Variants in WDFY4 observed in about 807,000 individuals in gnomAD.
WDFY4 encodes WDFY family member 4.
WDFY4 carries 169 observed loss-of-function variants against 351.9 expected under a neutral mutation model. The observed-to-expected ratio is 0.48, with a 90% confidence interval of 0.42 to 0.55. WDFY4 has a LOEUF of 0.55. WDFY4 is among the 20% of genes least tolerant of loss of function. The pLI is 0.00. For synonymous variants in WDFY4, 1,622 were observed against 1,574.6 expected, an observed-to-expected ratio of 1.03 and a Z score of -0.71; for missense variants, 3,803 against 3,935.6, an observed-to-expected ratio of 0.97 and a Z score of 0.90.
intron 35 of WDFY4, among the ~76,000 whole-genome samples, chr10:48,824,607 G>A (rs2067934629): frequency 1.3e-5 from 2 of 152,116 alleles, no homozygotes; most frequent in South Asian, 4.1e-4. Flanking sequence ...GAAAGTAGAG[G>A]AAATGAGTCC....
intron 12 of WDFY4, among the ~76,000 whole-genome samples, chr10:48,752,747 T>G (rs2132474550): frequency 6.6e-6 from 1 of 152,374 alleles, no homozygotes; most frequent in South Asian, 2.1e-4. Flanking sequence ...TTCCATCATA[T>G]GGGTACACAC....
intron 35 of WDFY4, among the ~76,000 whole-genome samples, chr10:48,825,051 G>T (rs2067949033): frequency 6.6e-6 from 1 of 152,076 alleles, no homozygotes; most frequent in Admixed American, 6.6e-5. Flanking sequence ...ACCTATCAAT[G>T]CATCACCTAG....
chr10:48,913,338 C>T (rs2133495077), intron 47 of WDFY4: 1 of 1,547,772 alleles, frequency 6.5e-7, no homozygotes, highest in African/African-American at 1.4e-5. Context: ...AGCCCACTGC[C>T]CTCTTCCCTC....
At chr10:48,946,338 C>T (rs976372158) in intron 50 of WDFY4, among the ~76,000 whole-genome samples, 181 bp downstream of exon 50, 1 of 152,218 alleles carries the variant, frequency 6.6e-6, no homozygotes, top group African/African-American at 2.4e-5. Context: ...CCAGGCCTCA[C>T]CTCTAGAAAT....
chr10:48,922,061 T>C (rs946524617), intron 47 of WDFY4, among the ~76,000 whole-genome samples: 1 of 152,160 alleles, frequency 6.6e-6, no homozygotes, highest in Non-Finnish European at 1.5e-5. Context: ...AACAGAAAAA[T>C]AATAAATGTC....
chr10:48,879,740 C>T (rs1033214777), intron 43 of WDFY4, among the ~76,000 whole-genome samples: 4 of 152,170 alleles, frequency 2.6e-5, no homozygotes, highest in African/African-American at 9.7e-5. Flanking sequence ...GTCTGAGCTC[C>T]TGTTCCCTGC....
At chr10:48,961,875 G>A (rs964367209) in intron 53 of WDFY4, among the ~76,000 whole-genome samples, 3 of 152,116 alleles carry the variant, frequency 2.0e-5, no homozygotes, top group African/African-American at 7.2e-5. Context: ...TCTGGAGGTG[G>A]CGATAAGGAC....
rs997608292 is a variant in WDFY4, at chr10:48,789,982, T to C, written c.4063T>C (p.Leu1355=). The C allele has an allele frequency of 1.0e-5, 16 of 1,552,222 alleles. No homozygotes were observed. The highest frequency in any genetic ancestry group is 1.3e-5 in the Non-Finnish European group (15 of 1,147,066). ...CATTGGAGCTGTTGCTGTGGGTCAA[T>C]TAGGTATGTTCAACTGGGAAGCTTT... ...RTIGAVAVGQ[L]GVRVFHSSPA... Residue 1355 remains leucine (L), a synonymous_variant, in exon 22 of 62, where the codon TTA becomes CTA. Transcript: ENST00000325239.
intron 39 of WDFY4, among the ~76,000 whole-genome samples, chr10:48,842,520 G>T (rs889025768): frequency 2.0e-5 from 3 of 152,106 alleles, no homozygotes; most frequent in Non-Finnish European, 2.9e-5. Flanking sequence ...TGTCCAGAGG[G>T]GCTTTCTCCT....
intron 40 of WDFY4, among the ~76,000 whole-genome samples, chr10:48,870,008 C>T (rs7901372): frequency 6.6e-5 from 10 of 152,228 alleles, no homozygotes; most frequent in Admixed American, 2.0e-4. Context: ...GATCAAGTTC[C>T]GTGCTCTGCT....
At chr10:48,976,737 A>T in intron 58 of WDFY4, 60 bp from the exon 59 acceptor site, 2 of 1,292,942 alleles carry the variant, frequency 1.5e-6, no homozygotes. Context: ...GTAGCTGAGC[A>T]AGTGGCTGAT....
At chr10:48,688,450 T>TTTAGGTCTTCTCTAA (rs764041695) in intron 1 of WDFY4, among the ~76,000 whole-genome samples, 45 of 152,268 alleles carry the variant, frequency 3.0e-4, no homozygotes, top group Non-Finnish European at 6.3e-4. Flanking sequence ...TCTCCACTTA[T>TTTAGGTCTTCTCTAA]TTAGGTCTTC....
At chr10:48,790,437 G>A (rs991460331) in intron 22 of WDFY4, among the ~76,000 whole-genome samples, 1 of 152,242 alleles carries the variant, frequency 6.6e-6, no homozygotes, top group African/African-American at 2.4e-5. Flanking sequence ...AGGCTCAGGG[G>A]TCTGGCTCAT....
At position 48,897,461 on chromosome 10, in the gene WDFY4, G is replaced by A. The variant is rs778641864; in HGVS notation, c.7324G>A (p.Asp2442Asn). 10 of 1,551,190 alleles carry A rather than the reference G, an allele frequency of 6.4e-6. No homozygotes were observed. In the African/African-American group the frequency reaches 6.8e-5, roughly 11 times the overall value. Residue 2442 changes from aspartate (D) to asparagine (N), a missense_variant, in exon 45 of 62, where the codon GAT becomes AAT. This residue lies in a region of WDFY4 where 3,054 missense variants were observed against 3,148.6 expected (regional missense o/e 0.97). Coordinates refer to ENST00000325239, the MANE Select transcript of WDFY4 (RefSeq NM_001394531.1). ...CTRHCLSNIS[D>N]PFIFNLCSKD... The stretch of plus-strand genomic sequence containing the variant: ...TGCCTGTTTCCTTTTCAGCATCAGC[G>A]ATCCGTTCATTTTCAACCTGTGCAG...
chr10:48,762,679 C>T (rs2132533323), intron 13 of WDFY4, among the ~76,000 whole-genome samples: 1 of 152,312 alleles, frequency 6.6e-6, no homozygotes, highest in South Asian at 2.1e-4. Flanking sequence ...ATACCTGGGG[C>T]CTTGGTTGAA....
At chr10:48,912,625 GGT>G (rs1838109456) in intron 47 of WDFY4, among the ~76,000 whole-genome samples, 2 of 152,232 alleles carry the variant, frequency 1.3e-5, no homozygotes, top group African/African-American at 4.8e-5. Context: ...CACCTAGCAT[GGT>G]GCTGAGTAAG....
At position 48,830,849 on chromosome 10, in the gene WDFY4, G is replaced by C. The variant is rs370787392; in HGVS notation, c.6490G>C (p.Glu2164Gln). ...VKIEEVTPLW[E>Q]ETMLKAWQHY... ...GATTGAAGAGGTCACACCGCTCTGG[G>C]AGGAGACGATGCTCAAGGCCTGGCA... The change falls in exon 38 of 62, where the codon GAG (glutamate) becomes CAG (glutamine). Residue 2164 changes from glutamate to glutamine, a missense_variant. Coordinates refer to ENST00000325239, the MANE Select transcript of WDFY4 (RefSeq NM_001394531.1). 1.4e-5 allele frequency: 21 copies of C among 1,551,498 alleles called. No individual in the cohort carries two copies. Among genetic ancestry groups the C allele is most frequent in the Middle Eastern group, 3.3e-4 (2 of 6,012 alleles).
At chr10:48,801,946 C>A (rs2067101061) in intron 24 of WDFY4, among the ~76,000 whole-genome samples, 1 of 152,014 alleles carries the variant, frequency 6.6e-6, no homozygotes, top group South Asian at 2.1e-4. Context: ...CCCATGGGTA[C>A]CCAGTGTGGG....
At chr10:48,712,293 G>A (rs2063787553) in intron 2 of WDFY4, among the ~76,000 whole-genome samples, 1 of 152,182 alleles carries the variant, frequency 6.6e-6, no homozygotes, top group South Asian at 2.1e-4. Flanking sequence ...TGATTATAAA[G>A]TCCACAGCTC....
Sources: allele counts gnomAD v4.1 joint callset (sites outside exome capture counted in the v4.1 genomes callset), GRCh38; gene constraint gnomAD v4.1.1; regional missense constraint gnomAD v4.1.1; transcripts MANE v1.5; gene names NCBI Gene and HGNC (gene_info 2026-07-23, HGNC 2026-07-21).